Variants in ERCC6 observed in about 807,000 individuals in gnomAD.
ERCC6 encodes DNA excision repair protein ERCC-6.
Under a neutral mutation model 158.7 loss-of-function variants are expected in ERCC6, and 116 were observed. The ratio of observed to expected loss-of-function variants is 0.73; its 90% confidence interval spans 0.63 to 0.85. The LOEUF (loss-of-function observed/expected upper bound fraction) is 0.85. Ranked by LOEUF, ERCC6 falls within the 40% of genes least tolerant of loss-of-function variation. The pLI, the probability that ERCC6 is intolerant of heterozygous loss-of-function variation, is 0.00. For missense variants in ERCC6, 1,698 were observed against 1,799.4 expected, an observed-to-expected ratio of 0.94 and a Z score of 1.02; for synonymous variants, 678 against 659.3, an observed-to-expected ratio of 1.03 and a Z score of -0.43.
chr10:49,465,520 G>T (rs970842748), intron 18 of ERCC6, among the ~76,000 whole-genome samples: 2 of 152,134 alleles, frequency 1.3e-5, no homozygotes, highest in Non-Finnish European at 2.9e-5. Context: ...AGATATGGGA[G>T]GGGCCAGAGG....
chr10:49,444,221 G>C, the ERCC6 span, among the ~76,000 whole-genome samples: 5 of 152,202 alleles, frequency 3.3e-5, no homozygotes, highest in South Asian at 8.3e-4. Flanking sequence ...TGCCCTCAGG[G>C]CTGGAATTCA....
At chr10:49,487,362 G>A (rs960773006) in intron 8 of ERCC6, among the ~76,000 whole-genome samples, 1 of 151,898 alleles carries the variant, frequency 6.6e-6, no homozygotes, top group East Asian at 1.9e-4. Context: ...CACAAAATTC[G>A]ACACCTGCAC....
chr10:49,527,109 A>ACATTTTATCT (rs1837358809), intron 4 of ERCC6, among the ~76,000 whole-genome samples: 1 of 152,210 alleles, frequency 6.6e-6, no homozygotes, highest in Admixed American at 6.5e-5. Context: ...GGCAGAGTGG[A>ACATTTTATCT]ACAAGGATAA....
intron 7 of ERCC6, 47 bp from the exon 8 acceptor site, chr10:49,493,299 C>T: frequency 6.2e-7 from 1 of 1,611,428 alleles, no homozygotes; most frequent in African/African-American, 1.3e-5. Context: ...AGAGCATATA[C>T]AGTCATCAAC....
rs80321478 is a variant in ERCC6, at chr10:49,523,581, C to T, written c.1397+452G>A. Among the ~76,000 whole-genome samples, 477 of 152,292 alleles carry T rather than the reference C, an allele frequency of 3.1e-3. 3 individuals carry two copies. Among genetic ancestry groups the T allele is most frequent in the African/African-American group, 0.011 (439 of 41,564 alleles). On this transcript the variant is annotated intron_variant, in intron 5 of 20. Coordinates refer to ENST00000355832, the MANE Select transcript of ERCC6 (RefSeq NM_000124.4). The stretch of plus-strand genomic sequence containing the variant: ...AAAAGCAAGCTTATTCTTTCTATGC[C>T]AAAGCTTAAGTTTCAGCTCTTTTTT...
chr10:49,455,849 A>G lies in ERCC6; in HGVS notation c.*2966T>C, dbSNP rs539674269. 4.6e-5 allele frequency: 7 copies of G among 152,340 alleles called. No individual in the cohort carries two copies. The highest frequency in any genetic ancestry group is 1.7e-4 in the African/African-American group (7 of 41,568). 9.4% of individuals were successfully genotyped at this position (152,340 alleles called of 1,614,324 possible). A position where few individuals can be genotyped will look rare whatever the true frequency, so the allele number is the denominator to read the frequency against. On this transcript the variant is annotated 3_prime_UTR_variant, in exon 21 of 21. Coordinates refer to ENST00000355832, the MANE Select transcript of ERCC6 (RefSeq NM_000124.4). ...ACTTTCAATCACGAGACTGGTTAAA[A>G]CAAAACAAAACAACCTATCGATATT...
At position 49,515,372 on chromosome 10, in the gene ERCC6, G is replaced by A. The variant is rs369686359; in HGVS notation, c.1397+8661C>T. ...ATTCAACGGAACACTTCACATGTAA[G>A]GCAACATCACATTTTTCACATCGAA... On this transcript the variant is annotated intron_variant, in intron 5 of 20. Coordinates refer to ENST00000355832, the MANE Select transcript of ERCC6 (RefSeq NM_000124.4). 35 of 1,613,604 alleles carry A rather than the reference G, an allele frequency of 2.2e-5. No homozygotes were observed. In the African/African-American group the frequency reaches 3.5e-4, roughly 16 times the overall value.
At chr10:49,511,188 G>A (rs565645119) in intron 5 of ERCC6, among the ~76,000 whole-genome samples, 1 of 152,288 alleles carries the variant, frequency 6.6e-6, no homozygotes, top group East Asian at 1.9e-4. Flanking sequence ...AGAACCAGGA[G>A]CCCTGAGTTT....
chr10:49,508,804 CCGA>C (rs1026816955), intron 5 of ERCC6, among the ~76,000 whole-genome samples: 1 of 152,042 alleles, frequency 6.6e-6, no homozygotes, highest in African/African-American at 2.4e-5. Flanking sequence ...AAAGATGGGG[CCGA>C]CAAGTACACC....
At chr10:49,493,056 C>T (rs1851202706) in intron 8 of ERCC6, 61 bp downstream of exon 8, 4 of 1,577,850 alleles carry the variant, frequency 2.5e-6, no homozygotes, top group South Asian at 1.1e-5. Flanking sequence ...CAGAGAAAAA[C>T]CAAATATGTA....
chr10:49,500,580 C>A lies in ERCC6; in HGVS notation c.1643G>T (p.Gly548Val). ...KTIQIIAFLA[G>V]LSYSKIRTRG... ...AGTCCTGATCTTGCTGTAGCTCAGACCTGCCAAGAAGGCAATTATCTGGAT... is the reference window on the plus strand; with the variant it reads ...AGTCCTGATCTTGCTGTAGCTCAGAACTGCCAAGAAGGCAATTATCTGGAT... The change falls in exon 7 of 21, where the codon GGT (glycine) becomes GTT (valine). Residue 548 changes from glycine to valine, a missense_variant. Transcript: ENST00000355832. 1.2e-6 allele frequency: 2 copies of A among 1,613,996 alleles called. No homozygotes were observed. Among genetic ancestry groups the A allele is most frequent in the East Asian group, 2.2e-5 (1 of 44,874 alleles).
At chr10:49,441,965 G>A in the ERCC6 span, among the ~76,000 whole-genome samples, 1 of 152,208 alleles carries the variant, frequency 6.6e-6, no homozygotes, top group South Asian at 2.1e-4. Context: ...ACTCCCGGGA[G>A]CGGCAGAAAC....
At position 49,461,490 on chromosome 10, in the gene ERCC6, A is replaced by G; in HGVS notation, c.3845T>C (p.Val1282Ala). Residue 1282 changes from valine to alanine, a missense_variant, in exon 19 of 21, where the codon GTG becomes GCG. Coordinates refer to ENST00000355832, the MANE Select transcript of ERCC6 (RefSeq NM_000124.4). Reference protein sequence around the residue: ...MDGASPDYVLVEAEANRVAQD... With the variant: ...MDGASPDYVLAEAEANRVAQD... ...GGCCACTCGGTTGGCTTCTGCCTCCACCAGTACATAATCTGGGCTGGCTCC... is the reference window on the plus strand; with the variant it reads ...GGCCACTCGGTTGGCTTCTGCCTCCGCCAGTACATAATCTGGGCTGGCTCC... 1.2e-6 allele frequency: 2 copies of G among 1,614,118 alleles called. No homozygotes were observed. The highest frequency in any genetic ancestry group is 1.7e-6 in the Non-Finnish European group (2 of 1,180,008).
the ERCC6 span, among the ~76,000 whole-genome samples, chr10:49,442,399 G>A: frequency 1.3e-5 from 2 of 152,200 alleles, no homozygotes; most frequent in Non-Finnish European, 2.9e-5. Flanking sequence ...GATCAATGGT[G>A]GTGGCCAATA....
chr10:49,459,230 C>G lies in ERCC6; in HGVS notation c.4067G>C (p.Gly1356Ala). 1 of 1,613,798 alleles carries G rather than the reference C, an allele frequency of 6.2e-7. No homozygotes were observed. The highest frequency in any genetic ancestry group is 8.5e-7 in the Non-Finnish European group (1 of 1,179,926). ...ATCTTTTCCCTCCTTTTTCATGATGCCATCCTATAAAAAGAAGACCACTAT... is the reference window on the plus strand; with the variant it reads ...ATCTTTTCCCTCCTTTTTCATGATGGCATCCTATAAAAAGAAGACCACTAT... ...STSPTEKCQD[G>A]IMKKEGKDNV... Residue 1356 changes from glycine (G) to alanine (A), a missense_variant, in exon 21 of 21, where the codon GGC becomes GCC. By Grantham distance (60) the Gly-to-Ala change is moderately conservative. Transcript: ENST00000355832.
rs2132622081 is a variant in ERCC6 at position 49,524,746 on chromosome 10, G to A, written c.684C>T (p.Leu228=). 4 of 1,603,998 alleles carry A rather than the reference G, an allele frequency of 2.5e-6. No individual in the cohort carries two copies. The highest frequency in any genetic ancestry group is 2.5e-6 in the Non-Finnish European group (3 of 1,179,982). The stretch of plus-strand genomic sequence containing the variant: ...CCCAGGCAGTCTCCTGGACAGGCAT[G>A]AGCATGCTGCCAAGACTGGATGGCC... ...EPGPSSLGSM[L]MPVQETAWEE... The change falls in exon 5 of 21, where the codon CTC becomes CTT. Residue 228 remains leucine, a synonymous_variant. Transcript: ENST00000355832.
chr10:49,461,596 T>C (rs762427240), intron 18 of ERCC6, 40 bp from the exon 19 acceptor site: 43 of 1,573,148 alleles, frequency 2.7e-5, no homozygotes, highest in South Asian at 3.5e-5. Context: ...TTTCACTCTG[T>C]ATGCAAGAAA....
chr10:49,452,762 C>T (rs192613788), downstream of ERCC6, among the ~76,000 whole-genome samples: 883 of 151,548 alleles, frequency 5.8e-3, 4 homozygotes, highest in Middle Eastern at 0.017. Flanking sequence ...TAAGTTCATA[C>T]ATATGTTTAC....
At chr10:49,446,073 A>T in the ERCC6 span, among the ~76,000 whole-genome samples, 54 of 152,228 alleles carry the variant, frequency 3.5e-4, no homozygotes, top group Non-Finnish European at 7.1e-4. Flanking sequence ...CCAAACTTAC[A>T]TTACCACAAG....
Sources: gnomAD v4.1 joint callset for allele counts (sites outside exome capture counted in the v4.1 genomes callset) on GRCh38, gnomAD v4.1.1 for gene constraint, MANE v1.5 for transcripts, NCBI Gene and HGNC (gene_info 2026-07-23, HGNC 2026-07-21) for gene names.